The following PRKAR2B variants were observed in gnomAD, a reference collection of about 807,000 sequenced individuals.
The protein encoded by PRKAR2B is cAMP-dependent protein kinase type II-beta regulatory subunit.
PRKAR2B carries 14 observed loss-of-function variants against 49.9 expected under a neutral mutation model. That is an observed-to-expected ratio of 0.28 (90% CI 0.19 to 0.44). The LOEUF is 0.44. Ranked by LOEUF, PRKAR2B falls within the 20% of genes least tolerant of loss-of-function variation. The pLI is 1.00. For missense variants in PRKAR2B, 393 were observed against 537.9 expected, an observed-to-expected ratio of 0.73 and a Z score of 2.67; for synonymous variants, 196 against 197.7, an observed-to-expected ratio of 0.99 and a Z score of 0.07.
intron 1 of PRKAR2B, among the ~76,000 whole-genome samples, chr7:107,063,643 A>T (rs2116762666): frequency 6.6e-6 from 1 of 152,304 alleles, no homozygotes; most frequent in South Asian, 2.1e-4. Context: ...GAATATCTTC[A>T]TTCTGGGAGT....
In PRKAR2B at chr7:107,157,066, C is replaced by A. The variant is rs977554398; in HGVS notation, c.984+17C>A. 1 of 1,608,674 alleles carries A rather than the reference C, an allele frequency of 6.2e-7. No homozygotes were observed. The highest frequency in any genetic ancestry group is 1.3e-5 in the African/African-American group (1 of 74,888). ...AAAAGAAAGGTAAGCATTCTAAGTC[C>A]TCAGAACCCACATACTGTTAGCAAG... is the stretch of plus-strand genomic sequence containing the variant. On this transcript the variant is annotated intron_variant, in intron 9 of 10. Transcript: ENST00000265717.
intron 1 of PRKAR2B, among the ~76,000 whole-genome samples, chr7:107,054,246 C>CGT (rs1281560817): frequency 6.6e-6 from 1 of 151,922 alleles, no homozygotes; most frequent in Non-Finnish European, 1.5e-5. Flanking sequence ...CCCAGCTACT[C>CGT]GGGAGGCTGA....
intron 4 of PRKAR2B, among the ~76,000 whole-genome samples, chr7:107,129,895 C>T (rs1257725389): frequency 1.3e-5 from 2 of 152,106 alleles, no homozygotes; most frequent in Admixed American, 6.6e-5. Context: ...GTCACCATCT[C>T]GACTTTGGTG....
chr7:107,076,288 A>G (rs1794394912), intron 2 of PRKAR2B, among the ~76,000 whole-genome samples: 1 of 152,164 alleles, frequency 6.6e-6, no homozygotes, highest in Non-Finnish European at 1.5e-5. Context: ...TATCTCATAC[A>G]GAGTTTAGAG....
chr7:107,058,722 G>A (rs1401330500), intron 1 of PRKAR2B, among the ~76,000 whole-genome samples: 2 of 152,060 alleles, frequency 1.3e-5, no homozygotes, highest in African/African-American at 2.4e-5. Flanking sequence ...ACAAAAACCC[G>A]TTTGTAAAAA....
chr7:107,127,134 T>C (rs999498514), intron 3 of PRKAR2B, among the ~76,000 whole-genome samples: 4 of 152,250 alleles, frequency 2.6e-5, no homozygotes, highest in Non-Finnish European at 5.9e-5. Context: ...AATTTCCCAT[T>C]GTGAGTTTTG....
chr7:107,106,890 C>T (rs896651003), intron 2 of PRKAR2B, among the ~76,000 whole-genome samples: 1 of 151,994 alleles, frequency 6.6e-6, no homozygotes, highest in Non-Finnish European at 1.5e-5. Context: ...TTCTTGGTGC[C>T]TGGAAGTAAC....
At chr7:107,148,146 C>G (rs1324489802) in intron 6 of PRKAR2B, among the ~76,000 whole-genome samples, 1 of 152,212 alleles carries the variant, frequency 6.6e-6, no homozygotes, top group Non-Finnish European at 1.5e-5. Context: ...CAGGACAGTC[C>G]TTCACCCACA....
intron 3 of PRKAR2B, among the ~76,000 whole-genome samples, chr7:107,124,276 T>A (rs2115592128): frequency 6.6e-6 from 1 of 152,332 alleles, no homozygotes; most frequent in East Asian, 1.9e-4. Flanking sequence ...GAAGAGCTAA[T>A]AAGGGTAGAG....
intron 2 of PRKAR2B, among the ~76,000 whole-genome samples, chr7:107,076,199 C>T (rs947082118): frequency 6.6e-6 from 1 of 152,114 alleles, no homozygotes; most frequent in African/African-American, 2.4e-5. Context: ...TTAAATACTT[C>T]AGCCTGTATC....
chr7:107,148,816 C>A (rs757380749), intron 6 of PRKAR2B, among the ~76,000 whole-genome samples: 42 of 152,184 alleles, frequency 2.8e-4, no homozygotes, highest in Non-Finnish European at 4.4e-4. Flanking sequence ...TTAGGGCTAA[C>A]ATGATCTACG....
chr7:107,072,077 A>C (rs1794288765), intron 2 of PRKAR2B, among the ~76,000 whole-genome samples: 1 of 149,864 alleles, frequency 6.7e-6, no homozygotes, highest in African/African-American at 2.4e-5. Flanking sequence ...TCAAAAAAAA[A>C]AAATAATAAA....
chr7:107,135,033 GAAGA>G (rs1291902746), intron 4 of PRKAR2B, among the ~76,000 whole-genome samples: 2 of 150,958 alleles, frequency 1.3e-5, no homozygotes, highest in Non-Finnish European at 3.0e-5. Context: ...TTTAAAAAGT[GAAGA>G]CAGTCTGCAG....
intron 10 of PRKAR2B, 30 bp from the exon 11 acceptor site, chr7:107,159,419 T>C: frequency 6.2e-7 from 1 of 1,611,052 alleles, no homozygotes; most frequent in Non-Finnish European, 8.5e-7. Context: ...CAAAGAATGT[T>C]ATTTAAAAAA....
intron 2 of PRKAR2B, among the ~76,000 whole-genome samples, chr7:107,114,254 T>C (rs752102671): frequency 4.6e-5 from 7 of 151,084 alleles, no homozygotes; most frequent in Non-Finnish European, 8.8e-5. Flanking sequence ...TGTTTTTCCT[T>C]TGGAGGCATT....
intron 1 of PRKAR2B, among the ~76,000 whole-genome samples, chr7:107,065,650 A>T (rs191647271): frequency 1.3e-5 from 2 of 152,284 alleles, no homozygotes; most frequent in East Asian, 1.9e-4. Flanking sequence ...CTCTCTTACA[A>T]TTCCAGTGCC....
At chr7:107,110,395 G>C (rs76343323) in intron 2 of PRKAR2B, among the ~76,000 whole-genome samples, 3 of 152,070 alleles carry the variant, frequency 2.0e-5, no homozygotes, top group Non-Finnish European at 4.4e-5. Context: ...CAGAGCCATT[G>C]GACTGGAGAG....
At chr7:107,063,679 G>A (rs913006177) in intron 1 of PRKAR2B, among the ~76,000 whole-genome samples, 3 of 152,064 alleles carry the variant, frequency 2.0e-5, no homozygotes, top group African/African-American at 7.2e-5. Flanking sequence ...TTGAATATGG[G>A]TATTTTCTAT....
intron 2 of PRKAR2B, among the ~76,000 whole-genome samples, chr7:107,114,508 C>T (rs186945357): frequency 5.7e-4 from 85 of 150,122 alleles, no homozygotes; most frequent in Middle Eastern, 3.4e-3. Context: ...ATTACAGGCA[C>T]GCACCACCAT....
Sources: allele counts gnomAD v4.1 joint callset (sites outside exome capture counted in the v4.1 genomes callset), GRCh38; gene constraint gnomAD v4.1.1; transcripts MANE v1.5; gene names NCBI Gene and HGNC (gene_info 2026-07-23, HGNC 2026-07-21).